The following CHCHD3 variants were observed in gnomAD, a reference collection of about 807,000 sequenced individuals.
CHCHD3 encodes the protein coiled-coil-helix-coiled-coil-helix domain containing 3, also known as MICOS complex subunit MIC19.
In CHCHD3, 20 loss-of-function variants were observed where a neutral mutation model predicts 38.2. That is an observed-to-expected ratio of 0.52 (90% confidence interval 0.37 to 0.76). The LOEUF (loss-of-function observed/expected upper bound fraction) is 0.76. Among genes scored for constraint, CHCHD3 ranks in the 30% least tolerant of loss-of-function variants. The probability of loss-of-function intolerance (pLI) is 0.00; values close to 1 mark genes in which losing one functional copy is unlikely to be tolerated. For synonymous variants in CHCHD3, 82 were observed against 100.0 expected (o/e 0.82, Z 1.07); for missense variants, 245 against 279.2 (o/e 0.88, Z 0.87).
At chr7:132,921,657 C>CAAA (rs869084388) in intron 4 of CHCHD3, among the ~76,000 whole-genome samples, 1 of 142,884 alleles carries the variant, frequency 7.0e-6, no homozygotes, top group Non-Finnish European at 1.5e-5. Context: ...ACAACAACAA[C>CAAA]AAAACACAAA....
chr7:132,919,914 T>A (rs1268716404), intron 4 of CHCHD3, among the ~76,000 whole-genome samples: 1 of 152,160 alleles, frequency 6.6e-6, no homozygotes, highest in Admixed American at 6.5e-5. Flanking sequence ...GTGCTGAAGA[T>A]TCCCATGGAT....
chr7:132,881,740 G>A (rs1427328106), intron 5 of CHCHD3, among the ~76,000 whole-genome samples: 2 of 152,092 alleles, frequency 1.3e-5, no homozygotes, highest in Admixed American at 6.6e-5. Flanking sequence ...CTTACAATAC[G>A]AATTAATGGA....
intron 4 of CHCHD3, among the ~76,000 whole-genome samples, chr7:132,944,209 G>T (rs1259258106): frequency 6.6e-6 from 1 of 151,892 alleles, no homozygotes; most frequent in East Asian, 1.9e-4. Context: ...CTGACTTCTT[G>T]GTGACACAGG....
intron 4 of CHCHD3, among the ~76,000 whole-genome samples, chr7:132,963,398 A>G (rs573378047): frequency 2.0e-4 from 27 of 136,438 alleles, no homozygotes; most frequent in East Asian, 1.9e-3. Flanking sequence ...TTGGGAGGCC[A>G]AGGCGGGCGG....
intron 5 of CHCHD3, among the ~76,000 whole-genome samples, chr7:132,860,304 G>GAT (rs1189411593): frequency 4.1e-4 from 38 of 93,344 alleles, no homozygotes; most frequent in African/African-American, 1.2e-3. Flanking sequence ...TAGATAGATA[G>GAT]AGAGAGAGAG....
At chr7:132,988,547 G>C (rs1361614770) in intron 3 of CHCHD3, among the ~76,000 whole-genome samples, 1 of 152,008 alleles carries the variant, frequency 6.6e-6, no homozygotes, top group African/African-American at 2.4e-5. Context: ...TGGTAATTTA[G>C]CAATAAATTA....
At chr7:132,819,147 T>G (rs929243949) in intron 6 of CHCHD3, among the ~76,000 whole-genome samples, 9 of 152,188 alleles carry the variant, frequency 5.9e-5, no homozygotes, top group African/African-American at 2.2e-4. Context: ...ATTCCTGCCC[T>G]CAAGAAGGTT....
At chr7:132,935,043 T>C (rs2117261598) in intron 4 of CHCHD3, among the ~76,000 whole-genome samples, 1 of 152,330 alleles carries the variant, frequency 6.6e-6, no homozygotes, top group East Asian at 1.9e-4. Context: ...GTTCTGAGTA[T>C]ACTCGTGTAA....
chr7:132,980,825 T>C (rs1811898529), intron 3 of CHCHD3, among the ~76,000 whole-genome samples: 1 of 152,146 alleles, frequency 6.6e-6, no homozygotes, highest in Middle Eastern at 3.2e-3. Context: ...TAGTTCTCTA[T>C]ATTTTAGTCC....
intron 4 of CHCHD3, among the ~76,000 whole-genome samples, chr7:132,962,006 C>T (rs79160126): frequency 0.014 from 2,134 of 152,288 alleles, 55 homozygotes; most frequent in African/African-American, 0.048. Context: ...CCAACAAACA[C>T]GTATTAGCAG....
chr7:132,829,433 T>C (rs1042560936), intron 6 of CHCHD3, among the ~76,000 whole-genome samples: 4 of 152,106 alleles, frequency 2.6e-5, no homozygotes, highest in Non-Finnish European at 1.5e-5. Flanking sequence ...GAAAGTTCAA[T>C]ACTGATGTTC....
chr7:133,044,998 C>T (rs529546243), intron 2 of CHCHD3, among the ~76,000 whole-genome samples: 97 of 152,318 alleles, frequency 6.4e-4, no homozygotes, highest in South Asian at 1.0e-3. Flanking sequence ...CCCTGCTGAG[C>T]GGTAAATGTG....
At chr7:133,068,321 G>T (rs1403484932) in intron 2 of CHCHD3, among the ~76,000 whole-genome samples, 1 of 152,152 alleles carries the variant, frequency 6.6e-6, no homozygotes, top group East Asian at 1.9e-4. Flanking sequence ...TAAGAATTCA[G>T]CTGTGAACAA....
intron 4 of CHCHD3, among the ~76,000 whole-genome samples, chr7:132,945,485 A>T (rs1449971173): frequency 1.3e-5 from 2 of 151,918 alleles, no homozygotes; most frequent in Non-Finnish European, 2.9e-5. Flanking sequence ...CCTATTGTCT[A>T]TTAAAAGTTA....
chr7:133,050,426 A>G (rs1391803627), intron 2 of CHCHD3, among the ~76,000 whole-genome samples: 5 of 150,066 alleles, frequency 3.3e-5, no homozygotes. Context: ...TAGACAGTAG[A>G]GCACACTTTT....
At position 133,035,265 on chromosome 7, in the gene CHCHD3, T is replaced by C; in HGVS notation, c.170-10638A>G. The C allele has an allele frequency of 3.7e-6, 6 of 1,613,618 alleles. No homozygotes were observed. The highest frequency in any genetic ancestry group is 1.1e-5 in the South Asian group (1 of 91,064). On this transcript the variant is annotated intron_variant, in intron 2 of 7. Transcript: ENST00000262570. This position sits in a 1 kb window ranked among gnomAD's most constrained non-coding sequence, Gnocchi z 4.7. ...TTTAGGCTGGGTCTCTGCAAACTTT[T>C]TAGCATCAAACTGGGCCATCTTCTC...
At chr7:133,063,851 C>T (rs577833364) in intron 2 of CHCHD3, among the ~76,000 whole-genome samples, 1 of 152,194 alleles carries the variant, frequency 6.6e-6, no homozygotes, top group Non-Finnish European at 1.5e-5. Context: ...ACCCATGAGA[C>T]CCTACAAGAA....
Position 133,035,339 on chromosome 7 carries a change from G to C in CHCHD3, c.170-10712C>G. On this transcript the variant is annotated intron_variant, in intron 2 of 7. Coordinates refer to ENST00000262570, the MANE Select transcript of CHCHD3 (RefSeq NM_017812.4). The surrounding 1 kb of genome is among the most constrained non-coding windows in gnomAD (Gnocchi z 4.7). The stretch of plus-strand genomic sequence containing the variant: ...CAGCCCGGAACTGGGGCTGGTTAAT[G>C]CAGGTGAGGAACCAGCGGTTGGTAT... The C allele has an allele frequency of 3.7e-6, 6 of 1,609,462 alleles. No homozygotes were observed. Among genetic ancestry groups the C allele is most frequent in the Non-Finnish European group, 5.1e-6 (6 of 1,175,744 alleles).
chr7:132,988,055 A>G (rs1030547584), intron 3 of CHCHD3, among the ~76,000 whole-genome samples: 3 of 152,216 alleles, frequency 2.0e-5, no homozygotes, highest in South Asian at 2.1e-4. Flanking sequence ...CTACTCTGCT[A>G]TTGGTAAGGC....
Sources: allele counts gnomAD v4.1 joint callset (sites outside exome capture counted in the v4.1 genomes callset), GRCh38; gene constraint gnomAD v4.1.1; non-coding constraint Gnocchi (gnomAD v3.1); transcripts MANE v1.5; gene names NCBI Gene and HGNC (gene_info 2026-07-23, HGNC 2026-07-21).